The following LYRM4 variants were observed in gnomAD, a reference collection of about 807,000 sequenced individuals.
LYRM4 encodes the protein LYR motif containing 4, also known as LYR motif-containing protein 4.
LYRM4 carries 9 observed loss-of-function variants against 11.7 expected under a neutral mutation model. The observed-to-expected ratio is 0.77, with a 90% CI of 0.46 to 1.34. The LOEUF is 1.34. Among genes scored for constraint, LYRM4 ranks in the 40% most tolerant of loss-of-function variants. The probability of loss-of-function intolerance (pLI) is 0.00; values close to 1 mark genes in which losing one functional copy is unlikely to be tolerated. For synonymous variants in LYRM4, 42 were observed against 40.4 expected, an observed-to-expected ratio of 1.04 and a Z score of -0.15; for missense variants, 133 against 112.5, an observed-to-expected ratio of 1.18 and a Z score of -0.82.
intron 2 of LYRM4, among the ~76,000 whole-genome samples, chr6:5,128,796 C>A (rs1554128335): frequency 2.0e-5 from 3 of 152,196 alleles, no homozygotes; most frequent in Non-Finnish European, 4.4e-5. Context: ...CTTTTATTTA[C>A]ATTTTTTTGT....
At position 5,245,093 on chromosome 6, in the gene LYRM4, A is replaced by T. The variant is rs1484343089; in HGVS notation, c.86+15555T>A. Among the ~76,000 whole-genome samples, 207 of 21,358 alleles carry T rather than the reference A, an allele frequency of 9.7e-3. 17 individuals are homozygous for T. The highest frequency in any genetic ancestry group is 0.018 in the African/African-American group (72 of 4,038). The allele number at this position is 21,358 out of a possible 152,430, so 14.0% of individuals were successfully genotyped here. ...ACTTTATTTGCAGGAAGACCTTAAA[A>T]AAAAAAAAAAAAAAAAAAAAATATA... is the stretch of plus-strand genomic sequence containing the variant. On this transcript the variant is annotated intron_variant, in intron 1 of 2. Coordinates refer to ENST00000330636, the MANE Select transcript of LYRM4 (RefSeq NM_020408.6).
intron 1 of LYRM4, among the ~76,000 whole-genome samples, chr6:5,245,074 T>C (rs1217410418): frequency 8.7e-6 from 1 of 114,908 alleles, no homozygotes; most frequent in Non-Finnish European, 1.7e-5. Flanking sequence ...GCTGACTTTA[T>C]TTGCAGGAAG....
At chr6:5,222,424 C>A (rs34711553) in intron 1 of LYRM4, among the ~76,000 whole-genome samples, 10,188 of 152,102 alleles carry the variant, frequency 0.067, 1,069 homozygotes, top group African/African-American at 0.22. Context: ...AAGCATTATG[C>A]CAGGAGCTGG....
At chr6:5,042,700 A>T in the LYRM4 span, 1 of 152,660 alleles carries the variant, frequency 6.6e-6, no homozygotes, top group Non-Finnish European at 1.5e-5. Context: ...GCTATTAGAG[A>T]TACATCACCT....
chr6:5,242,588 C>T (rs993108336), intron 1 of LYRM4, among the ~76,000 whole-genome samples: 2 of 149,784 alleles, frequency 1.3e-5, no homozygotes, highest in Non-Finnish European at 3.0e-5. Flanking sequence ...GGTGTGGTGG[C>T]GTGCGCCTGT....
At chr6:5,240,320 C>G (rs1365762726) in intron 1 of LYRM4, among the ~76,000 whole-genome samples, 1 of 152,134 alleles carries the variant, frequency 6.6e-6, no homozygotes, top group Non-Finnish European at 1.5e-5. Flanking sequence ...TACTCCCCCT[C>G]CTCTGCTGAC....
At chr6:5,057,624 G>A in the LYRM4 span, among the ~76,000 whole-genome samples, 10 of 151,704 alleles carry the variant, frequency 6.6e-5, no homozygotes, top group African/African-American at 2.2e-4. Context: ...CTGAGGCAGG[G>A]GAATCGCTTG....
chr6:5,171,817 T>C (rs1449123857), intron 2 of LYRM4, among the ~76,000 whole-genome samples: 3 of 152,222 alleles, frequency 2.0e-5, no homozygotes, highest in Admixed American at 6.5e-5. Context: ...ATGGCAGATT[T>C]ATACAGCATC....
At chr6:5,064,554 C>G in the LYRM4 span, among the ~76,000 whole-genome samples, 1 of 152,064 alleles carries the variant, frequency 6.6e-6, no homozygotes, top group South Asian at 2.1e-4. Flanking sequence ...TTTTTAAATT[C>G]AATTAACTTT....
chr6:5,201,625 C>T (rs1183275264), intron 2 of LYRM4, among the ~76,000 whole-genome samples: 2 of 152,054 alleles, frequency 1.3e-5, no homozygotes, highest in Non-Finnish European at 2.9e-5. Context: ...ACCCCCTGCA[C>T]CTCATTTCTC....
intron 2 of LYRM4, among the ~76,000 whole-genome samples, chr6:5,114,596 C>T (rs1158830830): frequency 6.6e-6 from 1 of 152,136 alleles, no homozygotes; most frequent in African/African-American, 2.4e-5. Context: ...TTTAAAAAAG[C>T]TACACAGGAA....
rs375180155 is a variant in LYRM4 at position 5,254,902 on chromosome 6, G to C, written c.86+5746C>G. ...ACCAAAATTCCGGTGGGAGGTGGAG[G>C]GGGTATCTCTACTCACGGCAGCAAT... On this transcript the variant is annotated intron_variant, in intron 1 of 2. Transcript: ENST00000330636. Among the ~76,000 whole-genome samples, 8 of 152,056 alleles carry C rather than the reference G, an allele frequency of 5.3e-5. No individual in the cohort carries two copies. In the South Asian group the frequency reaches 1.2e-3, roughly 24 times the overall value.
At chr6:5,064,012 G>A in the LYRM4 span, among the ~76,000 whole-genome samples, 1 of 152,328 alleles carries the variant, frequency 6.6e-6, no homozygotes, top group Non-Finnish European at 1.5e-5. Context: ...TGAGGTTCAC[G>A]GCTGAGTTCT....
chr6:5,087,429 C>G, the LYRM4 span: 1 of 152,278 alleles, frequency 6.6e-6, no homozygotes, highest in East Asian at 1.9e-4. Context: ...TTCCGTCCCC[C>G]TCCGAATTAA....
chr6:5,064,738 A>G, the LYRM4 span, among the ~76,000 whole-genome samples: 1 of 152,184 alleles, frequency 6.6e-6, no homozygotes. Context: ...ACAATTGTAC[A>G]TATTTATGGG....
chr6:5,187,558 A>C (rs1433381674), intron 2 of LYRM4, among the ~76,000 whole-genome samples: 1 of 151,854 alleles, frequency 6.6e-6, no homozygotes, highest in African/African-American at 2.4e-5. Context: ...AACAATGAGA[A>C]CACCTGGACA....
intron 2 of LYRM4, among the ~76,000 whole-genome samples, chr6:5,213,184 G>A (rs2127719511): frequency 6.6e-6 from 1 of 152,352 alleles, no homozygotes; most frequent in South Asian, 2.1e-4. Flanking sequence ...GGAGCTAGAA[G>A]ACCTGAGCTC....
intron 1 of LYRM4, among the ~76,000 whole-genome samples, chr6:5,223,108 A>G (rs1324064442): frequency 1.3e-5 from 2 of 152,246 alleles, no homozygotes; most frequent in Non-Finnish European, 2.9e-5. Flanking sequence ...CCTGGACTCC[A>G]AGGTTAAGAG....
intron 2 of LYRM4, among the ~76,000 whole-genome samples, chr6:5,157,687 C>T (rs1319949162): frequency 6.6e-6 from 1 of 151,256 alleles, no homozygotes; most frequent in Non-Finnish European, 1.5e-5. Context: ...CGAAAGATGG[C>T]TCCCAGTTTC....
Sources: gnomAD v4.1 joint callset for allele counts (sites outside exome capture counted in the v4.1 genomes callset) on GRCh38, gnomAD v4.1.1 for gene constraint, MANE v1.5 for transcripts, NCBI Gene and HGNC (gene_info 2026-07-23, HGNC 2026-07-21) for gene names.